The following ARHGEF4 variants were observed in gnomAD, a reference collection of about 807,000 sequenced individuals.
ARHGEF4 encodes the protein APC-stimulated guanine nucleotide exchange factor 1.
A neutral mutation model predicts 162.0 loss-of-function variants in ARHGEF4; 119 were observed. The ratio of observed to expected loss-of-function variants is 0.73; its 90% confidence interval spans 0.63 to 0.86. ARHGEF4 has a LOEUF of 0.86. ARHGEF4 is among the 40% of genes least tolerant of loss of function. ARHGEF4 has a pLI of 0.00. For synonymous variants in ARHGEF4, 1,014 were observed against 979.9 expected (o/e 1.03, Z -0.65); for missense variants, 2,488 against 2,456.0 (o/e 1.01, Z -0.28).
chr2:130,916,075 C>A lies in ARHGEF4; in HGVS notation c.2129C>A (p.Ala710Asp). Reference sequence around the variant, plus strand: ...GGGGCTCTTCAGCGGGTGGCCCAGGCCGCAGAGCTTGGGAGAGTGCTGGTC... The same window carrying A: ...GGGGCTCTTCAGCGGGTGGCCCAGGACGCAGAGCTTGGGAGAGTGCTGGTC... ...GDGALQRVAQ[A>D]AELGRVLVPQ... is the part of the protein sequence containing the mutation. Residue 710 changes from alanine to aspartate, a missense_variant, in exon 2 of 14, where the codon GCC becomes GAC. By Grantham distance (126) the Ala-to-Asp change is moderately radical (BLOSUM62 -2). Coordinates refer to ENST00000409359, the MANE Select transcript of ARHGEF4 (RefSeq NM_001367493.1). The A allele has an allele frequency of 6.5e-7, 1 of 1,550,274 alleles. No homozygotes were observed. The highest frequency in any genetic ancestry group is 8.7e-7 in the Non-Finnish European group (1 of 1,146,916).
At chr2:130,924,880 T>G (rs1682135725) in intron 2 of ARHGEF4, among the ~76,000 whole-genome samples, 1 of 152,194 alleles carries the variant, frequency 6.6e-6, no homozygotes, top group Admixed American at 6.5e-5. Flanking sequence ...CCAGTTTCCT[T>G]GTCTATCAAG....
intron 1 of ARHGEF4, among the ~76,000 whole-genome samples, chr2:130,872,937 C>T (rs2104937129): frequency 6.6e-6 from 1 of 152,326 alleles, no homozygotes; most frequent in South Asian, 2.1e-4. Context: ...CACATGCCTA[C>T]CTGGGGCATG....
intron 1 of ARHGEF4, among the ~76,000 whole-genome samples, chr2:130,856,567 G>A (rs2104900028): frequency 6.6e-6 from 1 of 152,304 alleles, no homozygotes; most frequent in African/African-American, 2.4e-5. Context: ...CAGTAAAAGT[G>A]ATTATTTAGG....
intron 1 of ARHGEF4, among the ~76,000 whole-genome samples, chr2:130,874,453 TGTCTC>T (rs1198076473): frequency 5.3e-5 from 8 of 152,242 alleles, no homozygotes; most frequent in Non-Finnish European, 1.2e-4. Flanking sequence ...GGAGGGATCA[TGTCTC>T]TGCACCTTTT....
intron 4 of ARHGEF4, among the ~76,000 whole-genome samples, chr2:130,975,869 G>A (rs186076026): frequency 6.0e-4 from 91 of 152,324 alleles, no homozygotes; most frequent in Admixed American, 2.9e-3. Flanking sequence ...GGTCAGAGGC[G>A]GAGGACTGCT....
At chr2:131,011,072 G>C (rs183331067) in intron 4 of ARHGEF4, among the ~76,000 whole-genome samples, 15 of 152,212 alleles carry the variant, frequency 9.9e-5, no homozygotes, top group African/African-American at 3.6e-4. Flanking sequence ...TTTTCTCTCT[G>C]AGCTGGTAAA....
intron 1 of ARHGEF4, among the ~76,000 whole-genome samples, chr2:130,848,581 G>A (rs1055635945): frequency 5.3e-5 from 8 of 152,190 alleles, no homozygotes; most frequent in East Asian, 1.9e-4. Context: ...ACCAGTGGAC[G>A]GCAGGGAGGC....
At chr2:130,887,393 G>A (rs4850261) in intron 1 of ARHGEF4, among the ~76,000 whole-genome samples, 31,330 of 151,918 alleles carry the variant, frequency 0.21, 4,079 homozygotes, top group East Asian at 0.34. Context: ...TCAGATATGA[G>A]GAGAACTGGC....
At chr2:130,855,393 T>C (rs1159143713) in intron 1 of ARHGEF4, among the ~76,000 whole-genome samples, 1 of 152,100 alleles carries the variant, frequency 6.6e-6, no homozygotes, top group African/African-American at 2.4e-5. Flanking sequence ...TATGGTTTAT[T>C]ACAGTGAAAA....
intron 1 of ARHGEF4, among the ~76,000 whole-genome samples, chr2:130,844,647 ACTCT>A (rs1205693181): frequency 1.1e-4 from 17 of 151,338 alleles, no homozygotes; most frequent in Non-Finnish European, 2.5e-4. Context: ...AGGTGGGTCC[ACTCT>A]CCCATAGAGC....
At chr2:131,015,490 C>T (rs1001547941) in intron 4 of ARHGEF4, among the ~76,000 whole-genome samples, 7 of 152,154 alleles carry the variant, frequency 4.6e-5, no homozygotes, top group African/African-American at 1.4e-4. Context: ...ACCTTATGGT[C>T]GGGGAGCCCT....
At chr2:131,003,125 C>T (rs1004685515) in intron 4 of ARHGEF4, among the ~76,000 whole-genome samples, 13 of 152,142 alleles carry the variant, frequency 8.5e-5, no homozygotes, top group Non-Finnish European at 5.9e-5. Context: ...GTGACCTTGA[C>T]GATGGGGCAT....
chr2:130,921,754 C>T (rs533372217), intron 2 of ARHGEF4, among the ~76,000 whole-genome samples: 285 of 152,142 alleles, frequency 1.9e-3, no homozygotes, highest in African/African-American at 6.7e-3. Context: ...TGCAGTGGTG[C>T]GATCTCAGCT....
chr2:130,878,610 G>C lies in ARHGEF4; in HGVS notation c.40-35376G>C, dbSNP rs566918230. On this transcript the variant is annotated intron_variant, in intron 1 of 13. Coordinates refer to ENST00000409359, the MANE Select transcript of ARHGEF4 (RefSeq NM_001367493.1). ...TGCTGCAAACACGACCCTGAGCAAT[G>C]AGTAGGGATGGAACCAGGCTGTGTA... 4.0e-4 allele frequency among the ~76,000 whole-genome samples: 61 copies of C among 152,330 alleles called. No homozygotes were observed. The Middle Eastern group carries it at 0.017, about 42-fold the overall frequency.
intron 4 of ARHGEF4, among the ~76,000 whole-genome samples, chr2:130,953,589 C>G (rs775800250): frequency 4.5e-4 from 68 of 152,176 alleles, no homozygotes; most frequent in Non-Finnish European, 9.3e-4. Flanking sequence ...TTCTGCACAG[C>G]AAAAGAAACT....
chr2:130,916,110 G>C lies in ARHGEF4; in HGVS notation c.2164G>C (p.Ala722Pro). Residue 722 changes from alanine to proline, a missense_variant, in exon 2 of 14, where the codon GCT (alanine) becomes CCT (proline). Physicochemically the swap from Ala to Pro is conservative, Grantham distance 27 (BLOSUM62 -1). Transcript: ENST00000409359. ...TGGGAGAGTGCTGGTCCCCCAAGCT[G>C]CTTCGGAAGAGACGCCGAGCACAGA... ...ELGRVLVPQA[A>P]SEETPSTEEP... 1 of 1,550,036 alleles carries C rather than the reference G, an allele frequency of 6.5e-7. No individual in the cohort carries two copies.
At chr2:131,045,029 G>A (rs975403300) in intron 12 of ARHGEF4, among the ~76,000 whole-genome samples, 7 of 152,158 alleles carry the variant, frequency 4.6e-5, no homozygotes, top group African/African-American at 1.2e-4. Context: ...CACATTACCC[G>A]CCACAGTGAC....
At chr2:130,920,960 A>G (rs1447321094) in intron 2 of ARHGEF4, among the ~76,000 whole-genome samples, 1 of 151,998 alleles carries the variant, frequency 6.6e-6, no homozygotes, top group East Asian at 1.9e-4. Flanking sequence ...ACACTGGATG[A>G]CCTCCACCAG....
At position 131,045,415 on chromosome 2, in the gene ARHGEF4, C is replaced by T; in HGVS notation, c.5448C>T (p.Ala1816=). ...ELQRKQAMLN[A]SKQQVTGKPK... Reference sequence around the variant, plus strand: ...AGAGGAAGCAGGCCATGCTGAATGCCAGCAAGCAGCAGGTCACAGGGAAGC... The same window carrying T: ...AGAGGAAGCAGGCCATGCTGAATGCTAGCAAGCAGCAGGTCACAGGGAAGC... Residue 1816 remains alanine (A), a synonymous_variant, in exon 13 of 14, where the codon GCC becomes GCT. Coordinates refer to ENST00000409359, the MANE Select transcript of ARHGEF4 (RefSeq NM_001367493.1). 1.2e-6 allele frequency: 2 copies of T among 1,613,590 alleles called. No individual in the cohort carries two copies. Among genetic ancestry groups the T allele is most frequent in the African/African-American group, 2.7e-5 (2 of 75,056 alleles).
Sources: gnomAD v4.1 joint callset for allele counts (sites outside exome capture counted in the v4.1 genomes callset) on GRCh38, gnomAD v4.1.1 for gene constraint, MANE v1.5 for transcripts, NCBI Gene and HGNC (gene_info 2026-07-23, HGNC 2026-07-21) for gene names.